The following RGS21 variants were observed in gnomAD, a reference collection of about 807,000 sequenced individuals.
RGS21 encodes the protein regulator of G-protein signalling 21.
A neutral mutation model predicts 18.7 loss-of-function variants in RGS21; 19 were observed. That is an observed-to-expected ratio of 1.01 (90% CI 0.71 to 1.49). RGS21 has a LOEUF of 1.49. Ranked by LOEUF, RGS21 falls within the 40% of genes most tolerant of loss-of-function variation. The pLI is 0.00. For synonymous variants in RGS21, 56 were observed against 57.8 expected (o/e 0.97, Z 0.14); for missense variants, 194 against 176.8 (o/e 1.10, Z -0.55).
intron 1 of RGS21, among the ~76,000 whole-genome samples, chr1:192,319,248 T>C (rs1368891425): frequency 1.3e-5 from 2 of 152,110 alleles, no homozygotes; most frequent in African/African-American, 4.8e-5. Context: ...GAACCCTTTC[T>C]CTAAAAATCC....
At chr1:192,351,373 T>C (rs1218933372) in intron 3 of RGS21, among the ~76,000 whole-genome samples, 2 of 152,114 alleles carry the variant, frequency 1.3e-5, no homozygotes, top group Non-Finnish European at 2.9e-5. Context: ...CTCTTCCTTC[T>C]TTGCTTTAAG....
intron 2 of RGS21, among the ~76,000 whole-genome samples, chr1:192,345,363 C>T (rs942335811): frequency 1.3e-5 from 2 of 152,160 alleles, no homozygotes; most frequent in East Asian, 1.9e-4. Flanking sequence ...GAAGCTAATA[C>T]AATTTAGCTA....
At chr1:192,363,496 A>T (rs1416880173) in intron 4 of RGS21, among the ~76,000 whole-genome samples, 1 of 152,174 alleles carries the variant, frequency 6.6e-6, no homozygotes, top group Non-Finnish European at 1.5e-5. Flanking sequence ...AACACCAGAT[A>T]AGTTTATGAA....
intron 1 of RGS21, among the ~76,000 whole-genome samples, chr1:192,335,767 A>G (rs1228129272): frequency 1.3e-5 from 2 of 152,154 alleles, no homozygotes; most frequent in African/African-American, 4.8e-5. Flanking sequence ...GAAGACAAAA[A>G]CTGGGTAGAG....
intron 1 of RGS21, among the ~76,000 whole-genome samples, chr1:192,317,517 C>T (rs1658437738): frequency 8.8e-6 from 1 of 113,040 alleles, no homozygotes; most frequent in African/African-American, 4.1e-5. Context: ...GTAATAATAA[C>T]ATCTTTCTCA....
chr1:192,343,539 G>C (rs1238135736), intron 2 of RGS21, among the ~76,000 whole-genome samples: 1 of 152,050 alleles, frequency 6.6e-6, no homozygotes, highest in Non-Finnish European at 1.5e-5. Context: ...CAATACAACT[G>C]GTTCTAGCTG....
At chr1:192,363,207 A>G (rs1364919976) in intron 4 of RGS21, among the ~76,000 whole-genome samples, 1 of 152,174 alleles carries the variant, frequency 6.6e-6, no homozygotes, top group Non-Finnish European at 1.5e-5. Flanking sequence ...ATGAATGCCA[A>G]AATCATGGCT....
chr1:192,341,416 A>G (rs2102229273), intron 1 of RGS21, among the ~76,000 whole-genome samples: 1 of 152,210 alleles, frequency 6.6e-6, no homozygotes, highest in Non-Finnish European at 1.5e-5. Context: ...AGCTGACGGT[A>G]TTTAGATGTC....
intron 4 of RGS21, among the ~76,000 whole-genome samples, chr1:192,364,238 T>G (rs1659224253): frequency 6.6e-6 from 1 of 152,084 alleles, no homozygotes; most frequent in Non-Finnish European, 1.5e-5. Flanking sequence ...TAAGATTATT[T>G]TGGCACTTGT....
intron 1 of RGS21, among the ~76,000 whole-genome samples, chr1:192,333,780 T>A (rs1658724545): frequency 6.6e-6 from 1 of 151,932 alleles, no homozygotes; most frequent in South Asian, 2.1e-4. Flanking sequence ...GTTATGTAAA[T>A]CTACAAATGT....
intron 4 of RGS21, among the ~76,000 whole-genome samples, chr1:192,361,568 C>A (rs573268616): frequency 6.6e-6 from 1 of 151,796 alleles, no homozygotes. Flanking sequence ...TTTTTTTTGA[C>A]GGAGTCTCGC....
chr1:192,362,433 C>T (rs757297284), intron 4 of RGS21, among the ~76,000 whole-genome samples: 1 of 152,166 alleles, frequency 6.6e-6, no homozygotes, highest in African/African-American at 2.4e-5. Context: ...AATTTACACG[C>T]ATATGTGCAT....
At chr1:192,331,307 A>T (rs1485798467) in intron 1 of RGS21, among the ~76,000 whole-genome samples, 4 of 152,168 alleles carry the variant, frequency 2.6e-5, no homozygotes, top group African/African-American at 4.8e-5. Flanking sequence ...TAATCCCAGC[A>T]CTTTGGGAGG....
At chr1:192,320,044 C>G (rs914133469) in intron 1 of RGS21, among the ~76,000 whole-genome samples, 3 of 152,020 alleles carry the variant, frequency 2.0e-5, no homozygotes, top group African/African-American at 7.2e-5. Context: ...GCAAAGGTCA[C>G]ACAGCAATAC....
rs558330176 is a variant in RGS21 at position 192,361,614 on chromosome 1, C to T, written c.256-4307C>T. On this transcript the variant is annotated intron_variant, in intron 4 of 4. Coordinates refer to ENST00000417209, the MANE Select transcript of RGS21 (RefSeq NM_001039152.3). ...AGGCTGGAGTGCAGTGGCATGATCA[C>T]GGCTGACTGCAACCTCCAACTCCTG... Among the ~76,000 whole-genome samples, 4 of 152,182 alleles carry T rather than the reference C, an allele frequency of 2.6e-5. No individual in the cohort carries two copies. The East Asian group carries it at 7.7e-4, about 29-fold the overall frequency.
At chr1:192,358,418 A>G (rs1659139173) in intron 4 of RGS21, among the ~76,000 whole-genome samples, 2 of 152,036 alleles carry the variant, frequency 1.3e-5, no homozygotes, top group Admixed American at 1.3e-4. Context: ...TAGGATATTC[A>G]TTTGCTTTTA....
intron 1 of RGS21, among the ~76,000 whole-genome samples, 194 bp from the exon 2 acceptor site, chr1:192,342,783 C>T (rs1010467493): frequency 6.6e-6 from 1 of 152,016 alleles, no homozygotes; most frequent in Admixed American, 6.6e-5. Context: ...AATTATGCCA[C>T]AGACTCAGAG....
At chr1:192,347,871 G>A (rs927597611) in intron 3 of RGS21, among the ~76,000 whole-genome samples, 4 of 151,822 alleles carry the variant, frequency 2.6e-5, no homozygotes, top group Non-Finnish European at 5.9e-5. Flanking sequence ...TGTTGGCCAG[G>A]CTGGTATCAA....
intron 4 of RGS21, among the ~76,000 whole-genome samples, chr1:192,362,236 A>G (rs972742007): frequency 1.3e-5 from 2 of 152,180 alleles, no homozygotes; most frequent in African/African-American, 4.8e-5. Context: ...GATAAAAGTT[A>G]TATTTTGGTA....
Sources: gnomAD v4.1 joint callset for allele counts (sites outside exome capture counted in the v4.1 genomes callset) on GRCh38, gnomAD v4.1.1 for gene constraint, MANE v1.5 for transcripts, NCBI Gene and HGNC (gene_info 2026-07-23, HGNC 2026-07-21) for gene names.